Variants in MEIOB observed in about 807,000 individuals in gnomAD.
The protein encoded by MEIOB is meiosis specific with OB-fold.
A neutral mutation model predicts 53.1 loss-of-function variants in MEIOB; 50 were observed. The ratio of observed to expected loss-of-function variants is 0.94; its 90% CI spans 0.75 to 1.19. The LOEUF is 1.19. Among genes scored for constraint, MEIOB ranks in the 50% most tolerant of loss-of-function variants. The pLI, the probability that MEIOB is intolerant of heterozygous loss-of-function variation, is 0.00. For missense variants in MEIOB, 551 were observed against 550.8 expected (o/e 1.00, Z 0.00); for synonymous variants, 192 against 182.5 (o/e 1.05, Z -0.42).
At chr16:1,859,839 C>T (rs427732) in intron 5 of MEIOB, among the ~76,000 whole-genome samples, 1 of 152,024 alleles carries the variant, frequency 6.6e-6, no homozygotes, top group African/African-American at 2.4e-5. Context: ...CCCCATCCTG[C>T]GGGTTTGGGG....
chr16:1,856,809 G>A lies in MEIOB; in HGVS notation c.528+926C>T, dbSNP rs528953660. On this transcript the variant is annotated intron_variant, in intron 6 of 13. Coordinates refer to ENST00000325962, the MANE Select transcript of MEIOB (RefSeq NM_001163560.3). ...GACAGGGTCTCCCTCTATTGCCCAGGCTGGAGTGCAGTGGCATGATTTTGG... is the reference window on the plus strand; with the variant it reads ...GACAGGGTCTCCCTCTATTGCCCAGACTGGAGTGCAGTGGCATGATTTTGG... 2.8e-5 allele frequency among the ~76,000 whole-genome samples: 4 copies of A among 144,360 alleles called. No individual in the cohort carries two copies. The South Asian group carries it at 8.7e-4, about 31-fold the overall frequency. The allele number at this position is 144,360 out of a possible 152,430, so 94.7% of individuals were successfully genotyped here. A position where few individuals can be genotyped will look rare whatever the true frequency, so the allele number is the denominator to read the frequency against.
chr16:1,839,599 A>G (rs1898845763), intron 11 of MEIOB, 161 bp from the exon 12 acceptor site: 1 of 608,082 alleles, frequency 1.6e-6, no homozygotes, highest in Non-Finnish European at 2.7e-6. Flanking sequence ...AAAAACAGTA[A>G]AACACACTTT....
chr16:1,838,101 A>G (rs912115051), intron 12 of MEIOB: 9 of 683,358 alleles, frequency 1.3e-5, no homozygotes, highest in Admixed American at 5.6e-5. Flanking sequence ...GGGTCAAGCA[A>G]TCCTCCCTCA....
chr16:1,858,237 C>G (rs139325828), intron 5 of MEIOB, among the ~76,000 whole-genome samples: 2 of 152,302 alleles, frequency 1.3e-5, no homozygotes, highest in African/African-American at 4.8e-5. Flanking sequence ...CTGAAACTTT[C>G]AGGGGTTATA....
intron 13 of MEIOB, among the ~76,000 whole-genome samples, chr16:1,836,407 T>A (rs1898750197): frequency 6.6e-6 from 1 of 152,166 alleles, no homozygotes; most frequent in Admixed American, 6.5e-5. Context: ...CTTAAGTTGA[T>A]CAGACTCATT....
chr16:1,859,113 T>C lies in MEIOB; in HGVS notation c.333-1183A>G, dbSNP rs1899379929. Among the ~76,000 whole-genome samples the C allele has an allele frequency of 3.3e-5, 5 of 152,172 alleles. No individual in the cohort carries two copies. In the South Asian group the frequency reaches 1.0e-3, roughly 31 times the overall value. ...AAAGCCAGGGCAAAATCCCAGTAAT[T>C]GACCATTAGCGCTACCACAAACAGA... On this transcript the variant is annotated intron_variant, in intron 5 of 13. Coordinates refer to ENST00000325962, the MANE Select transcript of MEIOB (RefSeq NM_001163560.3).
intron 3 of MEIOB, among the ~76,000 whole-genome samples, chr16:1,864,669 G>A (rs1336246941): frequency 2.0e-5 from 3 of 151,790 alleles, no homozygotes; most frequent in Non-Finnish European, 4.4e-5. Context: ...TGTATTTTTA[G>A]TAGAGAGGGG....
At chr16:1,860,359 T>C (rs1378125639) in intron 5 of MEIOB, 44 bp downstream of exon 5, 10 of 1,019,052 alleles carry the variant, frequency 9.8e-6, no homozygotes, top group Non-Finnish European at 1.5e-5. Context: ...ACATTATTAG[T>C]AATGATCATT....
chr16:1,866,745 AATAAAAAAT>A (rs1899603972), intron 2 of MEIOB, among the ~76,000 whole-genome samples: 1 of 164 alleles, frequency 6.1e-3, no homozygotes, highest in Admixed American at 0.056. Context: ...AAAAAAAAAT[AATAAAAAAT>A]AAAAATGAAT....
At chr16:1,843,907 G>A (rs1224574888) in intron 10 of MEIOB, among the ~76,000 whole-genome samples, 1 of 151,844 alleles carries the variant, frequency 6.6e-6, no homozygotes, top group African/African-American at 2.4e-5. Context: ...GAACTTATCC[G>A]GTTCCTTCAG....
intron 3 of MEIOB, among the ~76,000 whole-genome samples, chr16:1,864,278 T>A (rs1899528998): frequency 6.6e-6 from 1 of 152,112 alleles, no homozygotes; most frequent in Non-Finnish European, 1.5e-5. Flanking sequence ...AAAGGGGAAT[T>A]TCACTTTTCA....
chr16:1,869,369 G>C (rs2754191), intron 1 of MEIOB, among the ~76,000 whole-genome samples: 150,024 of 150,358 alleles, frequency 1, 74,845 homozygotes, highest in Non-Finnish European at 1. Context: ...AAGTGATCCG[G>C]CCGCCCCCAA....
At position 1,854,119 on chromosome 16, in the gene MEIOB, ACT is replaced by A. The variant is rs1899239664; in HGVS notation, c.608_609del (p.Glu203ValfsTer10). 6.5e-7 allele frequency: 1 copy of A among 1,550,016 alleles called. No homozygotes were observed. The highest frequency in any genetic ancestry group is 8.7e-7 in the Non-Finnish European group (1 of 1,145,882). ...RCEVRLYDETESSFAMTCWDN... is the reference protein window; with the variant it reads ...RCEVRLYDETXSSFAMTCWDN... ...GTTTACCATGTCATCGCAAAAGACG[ACT>A]CTGTTTCATCATAGAGTCTAACTTC... On this transcript the variant is annotated frameshift_variant, in exon 7 of 14. Coordinates refer to ENST00000325962, the MANE Select transcript of MEIOB (RefSeq NM_001163560.3). LOFTEE classifies it high-confidence loss of function.
intron 10 of MEIOB, among the ~76,000 whole-genome samples, chr16:1,842,488 T>C (rs957003422): frequency 1.4e-5 from 2 of 145,232 alleles, no homozygotes; most frequent in African/African-American, 5.1e-5. Flanking sequence ...CCAGGCATGG[T>C]GGTGCATGCC....
intron 5 of MEIOB, among the ~76,000 whole-genome samples, chr16:1,859,214 T>A (rs1376971509): frequency 6.6e-6 from 1 of 152,082 alleles, no homozygotes; most frequent in Admixed American, 6.5e-5. Flanking sequence ...GTCAAACAGA[T>A]GGGAGAAAGT....
intron 4 of MEIOB, among the ~76,000 whole-genome samples, chr16:1,861,323 A>C (rs1170306194): frequency 6.6e-6 from 1 of 152,206 alleles, no homozygotes; most frequent in East Asian, 1.9e-4. Flanking sequence ...AGTTTTTATC[A>C]AAATCTATTC....
intron 12 of MEIOB, 22 bp downstream of exon 12, chr16:1,839,233 T>C: frequency 6.4e-7 from 1 of 1,555,116 alleles, no homozygotes; most frequent in South Asian, 1.2e-5. Context: ...ATTCTAAACA[T>C]TTCTTCCTTT....
chr16:1,857,260 C>G (rs1233911557), intron 6 of MEIOB, among the ~76,000 whole-genome samples: 1 of 152,142 alleles, frequency 6.6e-6, no homozygotes, highest in East Asian at 1.9e-4. Context: ...CAGCATGGTC[C>G]CACTGCACCT....
chr16:1,858,185 C>T (rs1899356735), intron 5 of MEIOB, among the ~76,000 whole-genome samples: 3 of 152,166 alleles, frequency 2.0e-5, no homozygotes, highest in East Asian at 1.9e-4. Flanking sequence ...CAAGACTCTG[C>T]GCTTGTTTCC....
Sources: allele counts gnomAD v4.1 joint callset (sites outside exome capture counted in the v4.1 genomes callset), GRCh38; gene constraint gnomAD v4.1.1; transcripts MANE v1.5; gene names NCBI Gene and HGNC (gene_info 2026-07-23, HGNC 2026-07-21).